POTEC: variants seen among roughly 807,000 people sequenced by gnomAD.
POTEC encodes the protein POTE ankyrin domain family member C.
Under a neutral mutation model 62.0 loss-of-function variants are expected in POTEC, and 35 were observed. The observed-to-expected ratio is 0.56, with a 90% CI of 0.43 to 0.75. The LOEUF is 0.75. POTEC is among the 30% of genes least tolerant of loss of function. POTEC has a pLI of 0.00. For missense variants in POTEC, 472 were observed against 655.9 expected (o/e 0.72, Z 3.06); for synonymous variants, 156 against 221.5 (o/e 0.70, Z 2.62).
chr18:14,510,790 G>A lies in POTEC; in HGVS notation c.*1108C>T, dbSNP rs1186773768. On this transcript the variant is annotated 3_prime_UTR_variant, in exon 11 of 11. Coordinates refer to ENST00000358970, the MANE Select transcript of POTEC (RefSeq NM_001137671.2). ...CGTTTTTGTAGAGTGGCTATGCTGT[G>A]TGGGGGGTTCACTTCAGCCCCTGGT... 6.6e-6 allele frequency: 1 copy of A among 152,218 alleles called. No homozygotes were observed. Among genetic ancestry groups the A allele is most frequent in the African/African-American group, 2.4e-5 (1 of 41,434 alleles). 9.4% of individuals were successfully genotyped at this position (152,218 alleles called of 1,614,324 possible). A position where few individuals can be genotyped will look rare whatever the true frequency, so the allele number is the denominator to read the frequency against.
At chr18:14,533,663 C>T (rs1327719595) in intron 4 of POTEC, among the ~76,000 whole-genome samples, 8 of 152,092 alleles carry the variant, frequency 5.3e-5, no homozygotes, top group Non-Finnish European at 4.4e-5. Context: ...GTTAATGATG[C>T]CAATAAGCAT....
intron 6 of POTEC, among the ~76,000 whole-genome samples, chr18:14,528,262 A>G (rs1473373184): frequency 6.6e-6 from 1 of 152,196 alleles, no homozygotes; most frequent in Non-Finnish European, 1.5e-5. Flanking sequence ...TTCTCCAATG[A>G]GCCCCTGCAG....
chr18:14,528,995 C>A (rs1910509956), intron 6 of POTEC: 1 of 454,470 alleles, frequency 2.2e-6, no homozygotes, highest in Non-Finnish European at 4.4e-6. Context: ...GGCAAACACA[C>A]AATCTTGTTG....
At chr18:14,542,585 T>A (rs1598483120) in intron 1 of POTEC, 41 bp downstream of exon 1, 1 of 1,611,176 alleles carries the variant, frequency 6.2e-7, no homozygotes, top group East Asian at 2.2e-5. Context: ...GTCCCCATCA[T>A]CCCCCCATGT....
chr18:14,536,075 C>T (rs1905702958), intron 3 of POTEC, among the ~76,000 whole-genome samples: 1 of 151,074 alleles, frequency 6.6e-6, no homozygotes, highest in Non-Finnish European at 1.5e-5. Context: ...CAAGATCAGC[C>T]TGAGAAACAT....
intron 6 of POTEC, among the ~76,000 whole-genome samples, chr18:14,526,359 C>T (rs1217860596): frequency 2.0e-5 from 3 of 152,126 alleles, no homozygotes; most frequent in African/African-American, 7.2e-5. Flanking sequence ...TTCCACAGGT[C>T]TGTCCCCTCT....
chr18:14,541,398 C>A (rs1208995002), intron 1 of POTEC, among the ~76,000 whole-genome samples: 1 of 152,078 alleles, frequency 6.6e-6, no homozygotes, highest in Non-Finnish European at 1.5e-5. Context: ...GTAATCTCAG[C>A]ACTTTGGGAG....
Position 14,517,022 on chromosome 18 carries a change from T to C in POTEC, c.1410-3237A>G, listed in dbSNP as rs181370651. ...ATGTTAGGACTTGAGCAAAAGCTTC[T>C]AAAAATACCAAAAACAGAAAGAAAA... On this transcript the variant is annotated intron_variant, in intron 9 of 10. Coordinates refer to ENST00000358970, the MANE Select transcript of POTEC (RefSeq NM_001137671.2). 6.8e-3 allele frequency among the ~76,000 whole-genome samples: 1,025 copies of C among 150,542 alleles called. 15 individuals carry two copies. Among genetic ancestry groups the C allele is most frequent in the South Asian group, 0.04 (185 of 4,650 alleles).
rs1053788868 is a variant in POTEC at position 14,507,529 on chromosome 18, T to C, written c.*4369A>G. 4 of 151,686 alleles carry C rather than the reference T, an allele frequency of 2.6e-5. No homozygotes were observed. Among genetic ancestry groups the C allele is most frequent in the African/African-American group, 9.7e-5 (4 of 41,042 alleles). The allele number at this position is 151,686 out of a possible 1,614,324, so 9.4% of individuals were successfully genotyped here. ...TACTCCAATGGGTCTTGGTTCTTTATCCAGCTTGCCCCCTGTGTCTTTCAA... is the reference window on the plus strand; with the variant it reads ...TACTCCAATGGGTCTTGGTTCTTTACCCAGCTTGCCCCCTGTGTCTTTCAA... On this transcript the variant is annotated 3_prime_UTR_variant, in exon 11 of 11. Coordinates refer to ENST00000358970, the MANE Select transcript of POTEC (RefSeq NM_001137671.2).
chr18:14,542,646 G>A lies in POTEC; in HGVS notation c.501C>T (p.Asn167=). The A allele has an allele frequency of 6.2e-7, 1 of 1,612,488 alleles. No homozygotes were observed. The highest frequency in any genetic ancestry group is 8.5e-7 in the Non-Finnish European group (1 of 1,179,940). ...GTTACCTCTTTTGCTTGTCCCTCTT[G>A]TTCATGTCCGTGTCCCTGAGCATGA... is the stretch of plus-strand genomic sequence containing the variant. ...LIVMLRDTDM[N]KRDKQKRTAL... Residue 167 remains asparagine (N), a synonymous_variant, in exon 1 of 11, where the codon AAC becomes AAT. Coordinates refer to ENST00000358970, the MANE Select transcript of POTEC (RefSeq NM_001137671.2).
In POTEC at chr18:14,516,335, T is replaced by TATATATATATAC. The variant is rs1308067956; in HGVS notation, c.1410-2551_1410-2550insGTATATATATAT. ...ATATATATATATATATATATATATA[T>TATATATATATAC]ACCTATACCTGAGACTGGGTAATTC... On this transcript the variant is annotated intron_variant, in intron 9 of 10. Transcript: ENST00000358970. Among the ~76,000 whole-genome samples, 30 of 69,936 alleles carry TATATATATATAC rather than the reference T, an allele frequency of 4.3e-4. 1 individual carries two copies. Among genetic ancestry groups the TATATATATATAC allele is most frequent in the Admixed American group, 6.3e-4 (4 of 6,394 alleles). The allele number at this position is 69,936 out of a possible 152,430, so 45.9% of individuals were successfully genotyped here.
rs1567915382 is a variant in POTEC at position 14,537,193 on chromosome 18, ACACACACACACACACAC to A, written c.810+591_810+607del. On this transcript the variant is annotated intron_variant, in intron 3 of 10. Coordinates refer to ENST00000358970, the MANE Select transcript of POTEC (RefSeq NM_001137671.2). ...TAACAACACACACACACACACACAC[ACACACACACACACACAC>A]AAAAAAAAAAAAAAACAAAAAAAAA... Among the ~76,000 whole-genome samples, 608 of 81,858 alleles carry A rather than the reference ACACACACACACACACAC, an allele frequency of 7.4e-3. 16 individuals carry two copies. The South Asian group carries it at 0.089, about 12-fold the overall frequency. 53.7% of individuals were successfully genotyped at this position (81,858 alleles called of 152,430 possible). A position where few individuals can be genotyped will look rare whatever the true frequency, so the allele number is the denominator to read the frequency against.
At position 14,543,456 on chromosome 18, in the gene POTEC, C is replaced by T; in HGVS notation, c.-310G>A. 1.9e-6 allele frequency: 1 copy of T among 538,844 alleles called. No homozygotes were observed. Among genetic ancestry groups the T allele is most frequent in the Non-Finnish European group, 3.3e-6 (1 of 300,374 alleles). The allele number at this position is 538,844 out of a possible 1,614,324, so 33.4% of individuals were successfully genotyped here. Reference sequence around the variant, plus strand: ...AAACCCAGCAGAGAAAAAGTCAAGCCCAGCAAAGGAATGCGAGGGAGGAAA... The same window carrying T: ...AAACCCAGCAGAGAAAAAGTCAAGCTCAGCAAAGGAATGCGAGGGAGGAAA... On this transcript the variant is annotated 5_prime_UTR_variant, in exon 1 of 11. Transcript: ENST00000358970.
At position 14,543,401 on chromosome 18, in the gene POTEC, G is replaced by C. The variant is rs533462666; in HGVS notation, c.-255C>G. 28 of 624,918 alleles carry C rather than the reference G, an allele frequency of 4.5e-5. No homozygotes were observed. The East Asian group carries it at 7.7e-4, about 17-fold the overall frequency. The allele number at this position is 624,918 out of a possible 1,614,324, so 38.7% of individuals were successfully genotyped here. ...GGAAAGGCCAAGCCCCCCCTCCCAA[G>C]GAAACACCCAGCCCAGTCAAGGGAA... On this transcript the variant is annotated 5_prime_UTR_variant, in exon 1 of 11. Transcript: ENST00000358970.
intron 9 of POTEC, among the ~76,000 whole-genome samples, chr18:14,521,535 T>C (rs1910307564): frequency 6.6e-6 from 1 of 152,188 alleles, no homozygotes; most frequent in Non-Finnish European, 1.5e-5. Flanking sequence ...GGAATGTCCT[T>C]ACACATAAGT....
chr18:14,514,281 C>T (rs1910089999), intron 9 of POTEC, among the ~76,000 whole-genome samples: 1 of 151,654 alleles, frequency 6.6e-6, no homozygotes. Flanking sequence ...AATCTAATGT[C>T]ACCGCTGATC....
Position 14,511,598 on chromosome 18 carries a change from A to G in POTEC, c.*300T>C. 1 of 494,836 alleles carries G rather than the reference A, an allele frequency of 2.0e-6. No individual in the cohort carries two copies. Among genetic ancestry groups the G allele is most frequent in the East Asian group, 3.5e-5 (1 of 28,950 alleles). 30.7% of individuals were successfully genotyped at this position (494,836 alleles called of 1,614,324 possible). ...CTGTTCATGTTTGTTCTCTGGAAAG[A>G]AGTCCCTTTCAGCTATCTGACTTTG... On this transcript the variant is annotated 3_prime_UTR_variant, in exon 11 of 11. Coordinates refer to ENST00000358970, the MANE Select transcript of POTEC (RefSeq NM_001137671.2).
chr18:14,529,132 G>A (rs1326237491), intron 6 of POTEC: 4 of 387,050 alleles, frequency 1.0e-5, no homozygotes, highest in African/African-American at 8.5e-5. Context: ...CATATGTCTG[G>A]CACATAATTA....
Position 14,543,290 on chromosome 18 carries a change from G to A in POTEC, c.-144C>T. Reference sequence around the variant, plus strand: ...AGCCAAAACTTGCCAACCCCAGCAAGGGAGCCCAGTCCACCCCACCCAGGG... The same window carrying A: ...AGCCAAAACTTGCCAACCCCAGCAAAGGAGCCCAGTCCACCCCACCCAGGG... On this transcript the variant is annotated 5_prime_UTR_variant, in exon 1 of 11. Coordinates refer to ENST00000358970, the MANE Select transcript of POTEC (RefSeq NM_001137671.2). The A allele has an allele frequency of 7.2e-6, 10 of 1,380,236 alleles. No homozygotes were observed. The highest frequency in any genetic ancestry group is 9.8e-6 in the Non-Finnish European group (10 of 1,019,132). The allele number at this position is 1,380,236 out of a possible 1,614,324, so 85.5% of individuals were successfully genotyped here. A position where few individuals can be genotyped will look rare whatever the true frequency, so the allele number is the denominator to read the frequency against.
Sources: allele counts gnomAD v4.1 joint callset (sites outside exome capture counted in the v4.1 genomes callset), GRCh38; gene constraint gnomAD v4.1.1; transcripts MANE v1.5; gene names NCBI Gene and HGNC (gene_info 2026-07-23, HGNC 2026-07-21).